The following MTSS1 variants were observed in gnomAD, a reference collection of about 807,000 sequenced individuals.
The protein encoded by MTSS1 is protein MTSS 1.
In MTSS1, 18 loss-of-function variants were observed where a neutral mutation model predicts 79.0. That is an observed-to-expected ratio of 0.23 (90% CI 0.16 to 0.34). The LOEUF is 0.34. MTSS1 is among the 10% of genes least tolerant of loss of function. The pLI, the probability that MTSS1 is intolerant of heterozygous loss-of-function variation, is 1.00. For synonymous variants in MTSS1, 341 were observed against 368.6 expected (o/e 0.93, Z 0.86); for missense variants, 815 against 986.2 (o/e 0.83, Z 2.33).
At chr8:124,588,112 T>G (rs1006016265) in intron 5 of MTSS1, among the ~76,000 whole-genome samples, 57 of 151,486 alleles carry the variant, frequency 3.8e-4, no homozygotes, top group African/African-American at 1.4e-3. Context: ...AGGGGAGGGG[T>G]GAATAATTTG....
At chr8:124,720,617 G>A (rs184703616) in intron 1 of MTSS1, among the ~76,000 whole-genome samples, 1 of 152,182 alleles carries the variant, frequency 6.6e-6, no homozygotes, top group Non-Finnish European at 1.5e-5. Context: ...GCTGACCTTT[G>A]TAATGAACTC....
Position 124,699,623 on chromosome 8 carries a change from A to C in MTSS1, c.135-24T>G, listed in dbSNP as rs1829410091. 2.5e-6 allele frequency: 4 copies of C among 1,609,910 alleles called. No individual in the cohort carries two copies. In the East Asian group the frequency reaches 6.7e-5, roughly 27 times the overall value. On this transcript the variant is annotated intron_variant, in intron 2 of 13. Coordinates refer to ENST00000518547, the MANE Select transcript of MTSS1 (RefSeq NM_014751.6). Reference sequence around the variant, plus strand: ...TCCTAAAATGCAAACAGATAACAAAAGCATAAGGAATGTCTCTCCCTAGCA... The same window carrying C: ...TCCTAAAATGCAAACAGATAACAAACGCATAAGGAATGTCTCTCCCTAGCA...
intron 3 of MTSS1, among the ~76,000 whole-genome samples, chr8:124,670,810 C>T (rs954928652): frequency 7.2e-5 from 11 of 152,156 alleles, no homozygotes; most frequent in African/African-American, 1.7e-4. Flanking sequence ...AGTCCAGAGA[C>T]CGCAGATTAA....
intron 3 of MTSS1, among the ~76,000 whole-genome samples, chr8:124,651,657 C>A (rs777862104): frequency 3.9e-5 from 6 of 152,128 alleles, no homozygotes; most frequent in Non-Finnish European, 8.8e-5. Flanking sequence ...TTTCCTGGGA[C>A]ATAAGTCTCC....
intron 1 of MTSS1, among the ~76,000 whole-genome samples, chr8:124,708,133 T>G (rs1301625575): frequency 6.6e-6 from 1 of 152,234 alleles, no homozygotes; most frequent in Non-Finnish European, 1.5e-5. Context: ...AGATTGCACG[T>G]ACAGAAGCCC....
At chr8:124,578,450 C>T (rs544373453) in intron 6 of MTSS1, among the ~76,000 whole-genome samples, 1 of 152,066 alleles carries the variant, frequency 6.6e-6, no homozygotes, top group Non-Finnish European at 1.5e-5. Context: ...TACCCCCAGG[C>T]TTAGTGAGGC....
Position 124,565,686 on chromosome 8 carries a change from A to T in MTSS1, c.800T>A (p.Met267Lys). ...QTPPSSPSTT[M>K]SRKSSVCSSL... ...CCTGCAGACACTGGACTTTCTGGAC[A>T]TGGTGGTGCTGGGGGAAGAGGGTGG... Residue 267 changes from methionine (M) to lysine (K), a missense_variant, in exon 9 of 14, where the codon ATG (methionine) becomes AAG (lysine). Met to Lys is a moderately conservative substitution (Grantham distance 95). Transcript: ENST00000518547. 6.2e-7 allele frequency: 1 copy of T among 1,614,154 alleles called. No individual in the cohort carries two copies. Among genetic ancestry groups the T allele is most frequent in the Non-Finnish European group, 8.5e-7 (1 of 1,180,004 alleles).
intron 3 of MTSS1, among the ~76,000 whole-genome samples, chr8:124,606,110 G>A (rs1165421403): frequency 6.6e-6 from 1 of 150,688 alleles, no homozygotes. Flanking sequence ...CAAGTAGCTG[G>A]GACTACAGGC....
At chr8:124,610,574 G>A (rs1035182930) in intron 3 of MTSS1, among the ~76,000 whole-genome samples, 8 of 152,146 alleles carry the variant, frequency 5.3e-5, no homozygotes, top group Non-Finnish European at 1.0e-4. Context: ...TGAGACCTTA[G>A]GGGTAACCTA....
At chr8:124,585,252 A>T in intron 5 of MTSS1, 91 bp from the exon 6 acceptor site, 3 of 903,708 alleles carry the variant, frequency 3.3e-6, no homozygotes, top group Non-Finnish European at 5.4e-6. Flanking sequence ...TATCACAGAA[A>T]GCATAAACTG....
In MTSS1 at chr8:124,670,391, TGGC is replaced by T. The variant is rs1336456699; in HGVS notation, c.208+29132_208+29134del. 1.7e-3 allele frequency among the ~76,000 whole-genome samples: 184 copies of T among 109,556 alleles called. 2 individuals are homozygous for T. Among genetic ancestry groups the T allele is most frequent in the African/African-American group, 8.1e-3 (176 of 21,656 alleles). 71.9% of individuals were successfully genotyped at this position (109,556 alleles called of 152,430 possible). On this transcript the variant is annotated intron_variant, in intron 3 of 13. Transcript: ENST00000518547. Reference sequence around the variant, plus strand: ...CAGGCGGGCGGCACCCCACACAGCCTGGCGGCACCCCACACAGCCTGGCGGCAC... The same window carrying T: ...CAGGCGGGCGGCACCCCACACAGCCTGGCACCCCACACAGCCTGGCGGCAC...
chr8:124,558,737 C>T, intron 10 of MTSS1: 2 of 1,576,570 alleles, frequency 1.3e-6, no homozygotes, highest in African/African-American at 1.3e-5. Context: ...CCCAGGCACC[C>T]ATGGTGGAGC....
At chr8:124,636,043 G>A (rs1216518889) in intron 3 of MTSS1, among the ~76,000 whole-genome samples, 3 of 152,040 alleles carry the variant, frequency 2.0e-5, no homozygotes, top group East Asian at 1.9e-4. Flanking sequence ...GGGTGCATTC[G>A]ACAGGCTCCT....
intron 3 of MTSS1, among the ~76,000 whole-genome samples, chr8:124,672,363 A>T (rs1249648937): frequency 6.6e-6 from 1 of 152,098 alleles, no homozygotes; most frequent in Non-Finnish European, 1.5e-5. Flanking sequence ...GTGTGGTGGC[A>T]TGTGCCTACA....
intron 3 of MTSS1, among the ~76,000 whole-genome samples, chr8:124,623,241 C>T (rs989136254): frequency 3.9e-5 from 6 of 152,208 alleles, no homozygotes; most frequent in Admixed American, 1.3e-4. Flanking sequence ...ATCCTTCTTA[C>T]GAAGACTACA....
intron 3 of MTSS1, among the ~76,000 whole-genome samples, chr8:124,622,050 C>CAGAAAG (rs1554677991): frequency 9.1e-6 from 1 of 109,608 alleles, no homozygotes; most frequent in Admixed American, 9.2e-5. Context: ...GTGTGAGAGA[C>CAGAAAG]AGAAAGAGAA....
At chr8:124,713,955 C>T (rs924759161) in intron 1 of MTSS1, among the ~76,000 whole-genome samples, 2 of 152,192 alleles carry the variant, frequency 1.3e-5, no homozygotes, top group African/African-American at 4.8e-5. Flanking sequence ...CCATGTTGCC[C>T]AGGCTGGTCT....
At chr8:124,567,295 CT>C in intron 7 of MTSS1, 117 bp from the exon 8 acceptor site, 1 of 835,688 alleles carries the variant, frequency 1.2e-6, no homozygotes, top group Admixed American at 2.7e-5. Flanking sequence ...AGAAAAGGCA[CT>C]GTTGGGACTG....
At chr8:124,573,110 A>G (rs1051989080) in intron 6 of MTSS1, among the ~76,000 whole-genome samples, 4 of 152,236 alleles carry the variant, frequency 2.6e-5, no homozygotes, top group African/African-American at 9.6e-5. Flanking sequence ...GCTCGCAAGA[A>G]AAGAACAATA....
Sources: allele counts gnomAD v4.1 joint callset (sites outside exome capture counted in the v4.1 genomes callset), GRCh38; gene constraint gnomAD v4.1.1; transcripts MANE v1.5; gene names NCBI Gene and HGNC (gene_info 2026-07-23, HGNC 2026-07-21).